The following FRMD5 variants were observed in gnomAD, a reference collection of about 807,000 sequenced individuals.
FRMD5 encodes the protein FERM domain containing 5.
A neutral mutation model predicts 69.0 loss-of-function variants in FRMD5; 20 were observed. The ratio of observed to expected loss-of-function variants is 0.29; its 90% CI spans 0.20 to 0.42. The LOEUF (loss-of-function observed/expected upper bound fraction) is 0.42. FRMD5 is among the 10% of genes least tolerant of loss of function. The probability of loss-of-function intolerance (pLI) is 1.00; values close to 1 mark genes in which losing one functional copy is unlikely to be tolerated. For synonymous variants in FRMD5, 271 were observed against 260.1 expected, an observed-to-expected ratio of 1.04 and a Z score of -0.40; for missense variants, 595 against 708.6, an observed-to-expected ratio of 0.84 and a Z score of 1.82.
intron 1 of FRMD5, among the ~76,000 whole-genome samples, chr15:44,013,841 TATCTGGAGAC>T (rs922844053): frequency 1.3e-5 from 2 of 149,210 alleles, no homozygotes; most frequent in Non-Finnish European, 1.5e-5. Flanking sequence ...GTGATGCAAG[TATCTGGAGAC>T]ACCTTCTTTT....
chr15:44,058,141 G>A (rs935885169), intron 1 of FRMD5, among the ~76,000 whole-genome samples: 9 of 152,124 alleles, frequency 5.9e-5, no homozygotes, highest in Non-Finnish European at 1.0e-4. Flanking sequence ...AAGGACTTAT[G>A]AGAATTACAA....
chr15:44,127,591 G>A (rs762730069), intron 1 of FRMD5, among the ~76,000 whole-genome samples: 6 of 152,094 alleles, frequency 3.9e-5, no homozygotes, highest in Non-Finnish European at 8.8e-5. Flanking sequence ...AAAATAACCA[G>A]GCCGGGTGCA....
intron 1 of FRMD5, among the ~76,000 whole-genome samples, chr15:44,149,091 C>T (rs1445983411): frequency 6.6e-6 from 1 of 152,082 alleles, no homozygotes; most frequent in Admixed American, 6.5e-5. Context: ...TTTTGGCACA[C>T]ACAATGTATA....
chr15:43,879,446 C>T (rs1329418266), intron 13 of FRMD5: 10 of 398,714 alleles, frequency 2.5e-5, no homozygotes, highest in Non-Finnish European at 4.0e-5. Flanking sequence ...GGATGGGTGC[C>T]GTGGGAAGGA....
At chr15:44,196,801 T>C (rs905771284), upstream of FRMD5, among the ~76,000 whole-genome samples, 8 of 150,926 alleles carry the variant, frequency 5.3e-5, no homozygotes, top group African/African-American at 2.0e-4. Flanking sequence ...TCCCCCTTTT[T>C]CTTTCTATCA....
intron 9 of FRMD5, 92 bp downstream of exon 9, chr15:43,888,717 G>T: frequency 3.9e-6 from 4 of 1,022,034 alleles, no homozygotes; most frequent in Non-Finnish European, 6.1e-6. Context: ...TGGGTAGCTT[G>T]GCTCTACTGG....
rs1368717052 is a variant in FRMD5, at chr15:44,155,796, C to T, written c.102+39157G>A. Among the ~76,000 whole-genome samples, 5 of 151,804 alleles carry T rather than the reference C, an allele frequency of 3.3e-5. No homozygotes were observed. The South Asian group carries it at 8.3e-4, about 25-fold the overall frequency. On this transcript the variant is annotated intron_variant, in intron 1 of 13. Transcript: ENST00000417257. ...TTTAATAGAGACGGGATTTCACCAA[C>T]GTTGGCCAGGCTGGTCTTGAACTCC...
At chr15:44,047,362 C>T (rs1367978674) in intron 1 of FRMD5, among the ~76,000 whole-genome samples, 1 of 152,006 alleles carries the variant, frequency 6.6e-6, no homozygotes, top group East Asian at 1.9e-4. Context: ...AAAGAAAAAA[C>T]TGTTTAAACT....
intron 1 of FRMD5, among the ~76,000 whole-genome samples, chr15:43,963,874 G>C (rs2090247474): frequency 6.6e-6 from 1 of 152,066 alleles, no homozygotes; most frequent in African/African-American, 2.4e-5. Flanking sequence ...CATGGACACA[G>C]GAAGGGGAAC....
chr15:43,903,523 T>C lies in FRMD5; in HGVS notation c.552-1261A>G, dbSNP rs183439362. On this transcript the variant is annotated intron_variant, in intron 6 of 13. Coordinates refer to ENST00000417257, the MANE Select transcript of FRMD5 (RefSeq NM_032892.5). ...TGCATAAAGGAAGCATGGATGTATT[T>C]TTACATTATGAAGACGAGGCAGGAC... Among the ~76,000 whole-genome samples, 6 of 152,348 alleles carry C rather than the reference T, an allele frequency of 3.9e-5. No homozygotes were observed. The East Asian group carries it at 9.6e-4, about 24-fold the overall frequency.
intron 7 of FRMD5, among the ~76,000 whole-genome samples, chr15:43,899,516 G>T (rs1424918206): frequency 6.6e-6 from 1 of 152,208 alleles, no homozygotes; most frequent in Non-Finnish European, 1.5e-5. Context: ...TGGAATGCCA[G>T]TCTTCTTATC....
Position 44,042,151 on chromosome 15 carries a change from C to T in FRMD5, c.103-117842G>A, listed in dbSNP as rs991240840. On this transcript the variant is annotated intron_variant, in intron 1 of 13. Transcript: ENST00000417257. ...AACTACCATCAGAGAATACTATAAA[C>T]ACCTCTAAGCAAATAAACTAGAAAA... Among the ~76,000 whole-genome samples the T allele has an allele frequency of 1.4e-4, 22 of 152,280 alleles. 1 individual carries two copies. In the South Asian group the frequency reaches 3.1e-3, roughly 22 times the overall value.
chr15:43,914,717 G>A (rs974655185), intron 4 of FRMD5, among the ~76,000 whole-genome samples: 5 of 118,036 alleles, frequency 4.2e-5, no homozygotes, highest in African/African-American at 2.6e-4. Flanking sequence ...TCTATGAGGT[G>A]ACTACCTTTT....
rs1243138958 is a variant in FRMD5 at position 43,874,075 on chromosome 15, G to A, written c.1523C>T (p.Thr508Ile). 1 of 1,614,216 alleles carries A rather than the reference G, an allele frequency of 6.2e-7. No individual in the cohort carries two copies. Among genetic ancestry groups the A allele is most frequent in the Admixed American group, 1.7e-5 (1 of 60,030 alleles). ...GAGCAAAACAAAGAGGAGTCCCATG[G>A]TCACAAGGAGCAAACGGAGGACACT... ...VLSVLRLLLVTMGLLFVLLLL... is the reference protein window; with the variant it reads ...VLSVLRLLLVIMGLLFVLLLL... Residue 508 changes from threonine to isoleucine, a missense_variant, in exon 14 of 14, where the codon ACC becomes ATC. By Grantham distance (89) the Thr-to-Ile change is moderately conservative. Around this residue, in one of 5 missense-constraint regions of FRMD5, gnomAD observed 245 missense variants for 227.1 expected, o/e 1.08. Coordinates refer to ENST00000417257, the MANE Select transcript of FRMD5 (RefSeq NM_032892.5).
chr15:44,170,826 A>G (rs1226562872), intron 1 of FRMD5, among the ~76,000 whole-genome samples: 1 of 152,234 alleles, frequency 6.6e-6, no homozygotes, highest in African/African-American at 2.4e-5. Flanking sequence ...TGAAAACTCT[A>G]AATTGAGTTA....
At chr15:43,959,319 G>A (rs1287857902) in intron 1 of FRMD5, among the ~76,000 whole-genome samples, 5 of 152,120 alleles carry the variant, frequency 3.3e-5, no homozygotes, top group Non-Finnish European at 5.9e-5. Context: ...TTTAGGTTTC[G>A]AAGACGAAAT....
chr15:43,955,375 G>A lies in FRMD5; in HGVS notation c.103-31066C>T, dbSNP rs538969105. On this transcript the variant is annotated intron_variant, in intron 1 of 13. Coordinates refer to ENST00000417257, the MANE Select transcript of FRMD5 (RefSeq NM_032892.5). ...CAGCTGCTTAGTATCATTAGACCAA[G>A]GGCAAGTCACCTGCTCTCTCAGGCT... Among the ~76,000 whole-genome samples, 4 of 152,286 alleles carry A rather than the reference G, an allele frequency of 2.6e-5. No individual in the cohort carries two copies. In the East Asian group the frequency reaches 5.8e-4, roughly 22 times the overall value.
chr15:43,908,028 A>G (rs936023248), intron 5 of FRMD5, among the ~76,000 whole-genome samples: 1 of 152,178 alleles, frequency 6.6e-6, no homozygotes, highest in Non-Finnish European at 1.5e-5. Flanking sequence ...AGGAAAATGA[A>G]TGATTGGGTA....
At chr15:43,946,280 C>T (rs936491542) in intron 1 of FRMD5, among the ~76,000 whole-genome samples, 1 of 152,200 alleles carries the variant, frequency 6.6e-6, no homozygotes, top group African/African-American at 2.4e-5. Context: ...GATTCTTCTT[C>T]CTCAGTGTGT....
Sources: gnomAD v4.1 joint callset for allele counts (sites outside exome capture counted in the v4.1 genomes callset) on GRCh38, gnomAD v4.1.1 for gene constraint, gnomAD v4.1.1 regional missense constraint, MANE v1.5 for transcripts, NCBI Gene and HGNC (gene_info 2026-07-23, HGNC 2026-07-21) for gene names.